Variants in ABLIM2 observed in about 807,000 individuals in gnomAD.
The protein encoded by ABLIM2 is actin binding LIM protein family member 2.
ABLIM2 carries 53 observed loss-of-function variants against 97.7 expected under a neutral mutation model. That is an observed-to-expected ratio of 0.54 (90% CI 0.44 to 0.68). The LOEUF is 0.68. Ranked by LOEUF, ABLIM2 falls within the 30% of genes least tolerant of loss-of-function variation. The probability of loss-of-function intolerance (pLI) is 0.00; values close to 1 mark genes in which losing one functional copy is unlikely to be tolerated. For missense variants in ABLIM2, 835 were observed against 867.2 expected, an observed-to-expected ratio of 0.96 and a Z score of 0.47; for synonymous variants, 361 against 345.8, an observed-to-expected ratio of 1.04 and a Z score of -0.49.
chr4:8,117,275 G>C (rs1843183056), intron 1 of ABLIM2, among the ~76,000 whole-genome samples: 1 of 152,198 alleles, frequency 6.6e-6, no homozygotes, highest in Non-Finnish European at 1.5e-5. Context: ...AAGGATTCAA[G>C]CCCAAGTCTG....
chr4:8,052,078 T>G (rs13152591), intron 8 of ABLIM2, among the ~76,000 whole-genome samples: 35,475 of 152,132 alleles, frequency 0.23, 4,498 homozygotes, highest in Non-Finnish European at 0.29. Flanking sequence ...TCTCCGCTCT[T>G]TAAGACTACA....
intron 1 of ABLIM2, among the ~76,000 whole-genome samples, chr4:8,157,025 C>T (rs1715596270): frequency 6.6e-6 from 1 of 152,188 alleles, no homozygotes; most frequent in South Asian, 2.1e-4. Context: ...CCGAGGGCCT[C>T]CCAGGTGTGG....
intron 16 of ABLIM2, among the ~76,000 whole-genome samples, chr4:7,995,618 C>T (rs898380343): frequency 6.6e-6 from 1 of 152,214 alleles, no homozygotes; most frequent in African/African-American, 2.4e-5. Context: ...CAGCTGGGGA[C>T]TTGTTTGCAA....
intron 1 of ABLIM2, among the ~76,000 whole-genome samples, chr4:8,107,379 G>C (rs1837988068): frequency 6.6e-6 from 1 of 152,262 alleles, no homozygotes; most frequent in Admixed American, 6.5e-5. Flanking sequence ...GAAGCCTCAG[G>C]TCTGCCCTTT....
chr4:8,066,284 C>A (rs1285734990), intron 6 of ABLIM2, among the ~76,000 whole-genome samples: 1 of 124,138 alleles, frequency 8.1e-6, no homozygotes, highest in Non-Finnish European at 1.6e-5. Flanking sequence ...CCAGCCTGGG[C>A]AACAGAGAGA....
rs1852106966 is a variant in ABLIM2, at chr4:8,148,017, C to T, written c.10+10663G>A. The stretch of plus-strand genomic sequence containing the variant: ...GAGTCAGGGCCCAGCTGCAGACCAA[C>T]CCCAAACTCTGGTGTGGTTCCCTGA... On this transcript the variant is annotated intron_variant, in intron 1 of 20. Coordinates refer to ENST00000447017, the MANE Select transcript of ABLIM2 (RefSeq NM_001130083.2). This position sits in a 1 kb window ranked among gnomAD's most constrained non-coding sequence, Gnocchi z 6.7. Among the ~76,000 whole-genome samples, 1 of 152,258 alleles carries T rather than the reference C, an allele frequency of 6.6e-6. No individual in the cohort carries two copies. The highest frequency in any genetic ancestry group is 2.4e-5 in the African/African-American group (1 of 41,470).
rs1286369612 is a variant in ABLIM2 at position 8,080,771 on chromosome 4, A to G, written c.486T>C (p.Asn162=). 2 of 1,609,736 alleles carry G rather than the reference A, an allele frequency of 1.2e-6. No individual in the cohort carries two copies. The highest frequency in any genetic ancestry group is 3.3e-5 in the Admixed American group (2 of 59,838). Residue 162 remains asparagine, a synonymous_variant, in exon 5 of 21, where the codon AAT becomes AAC. Coordinates refer to ENST00000447017, the MANE Select transcript of ABLIM2 (RefSeq NM_001130083.2). ...TGTCCAAGGCTACCAGGGCCTGGCC[A>G]TTCTTGATTTCTGTGCCGCAGCCCC... ...SCGGCGTEIK[N]GQALVALDKH...
chr4:7,982,225 C>T (rs567572389), intron 20 of ABLIM2, among the ~76,000 whole-genome samples: 4 of 151,332 alleles, frequency 2.6e-5, no homozygotes, highest in South Asian at 4.2e-4. Flanking sequence ...GAGGGAGCCA[C>T]TGCCTGGTGG....
intron 6 of ABLIM2, among the ~76,000 whole-genome samples, chr4:8,063,734 T>A (rs1805033633): frequency 6.6e-6 from 1 of 152,248 alleles, no homozygotes; most frequent in African/African-American, 2.4e-5. Context: ...TGCTAAGGCT[T>A]GAATGTTTGT....
chr4:8,059,623 G>A (rs1414385196), intron 7 of ABLIM2, among the ~76,000 whole-genome samples: 5 of 152,000 alleles, frequency 3.3e-5, no homozygotes, highest in African/African-American at 7.2e-5. Flanking sequence ...TTTGATGGCC[G>A]GGGCATGGTG....
At chr4:8,101,338 G>A (rs921335687) in intron 2 of ABLIM2, among the ~76,000 whole-genome samples, 17 of 152,192 alleles carry the variant, frequency 1.1e-4, no homozygotes, top group Admixed American at 3.9e-4. Flanking sequence ...CTTGACACTC[G>A]TGCCCTGTGC....
At chr4:8,078,626 T>G (rs1334636629) in intron 5 of ABLIM2, among the ~76,000 whole-genome samples, 1 of 152,216 alleles carries the variant, frequency 6.6e-6, no homozygotes, top group Non-Finnish European at 1.5e-5. Context: ...GGGGAGGCGC[T>G]GCTCTGCTGA....
intron 10 of ABLIM2, 118 bp downstream of exon 10, chr4:8,036,031 G>A: frequency 8.1e-7 from 1 of 1,241,260 alleles, no homozygotes; most frequent in African/African-American, 1.5e-5. Flanking sequence ...GCGTGTGGGT[G>A]AGTGGTGAAG....
At chr4:8,096,663 T>G (rs765976538) in intron 3 of ABLIM2, among the ~76,000 whole-genome samples, 5 of 152,362 alleles carry the variant, frequency 3.3e-5, no homozygotes, top group Middle Eastern at 3.4e-3. Context: ...CATGTTTCTC[T>G]TCTTTGTTTT....
In ABLIM2 at chr4:8,021,341, T is replaced by C. The variant is rs190328271; in HGVS notation, c.1268-1038A>G. Among the ~76,000 whole-genome samples the C allele has an allele frequency of 6.6e-6, 1 of 152,104 alleles. No individual in the cohort carries two copies. Among genetic ancestry groups the C allele is most frequent in the East Asian group, 1.9e-4 (1 of 5,160 alleles). Reference sequence around the variant, plus strand: ...CCTCCCCCCACACCTGTTTGGGGAATGAGGTGACAGACAGATGCAGGGTAT... The same window carrying C: ...CCTCCCCCCACACCTGTTTGGGGAACGAGGTGACAGACAGATGCAGGGTAT... On this transcript the variant is annotated intron_variant, in intron 12 of 20. Transcript: ENST00000447017. The surrounding 1 kb of genome is among the most constrained non-coding windows in gnomAD (Gnocchi z 5.5).
intron 2 of ABLIM2, among the ~76,000 whole-genome samples, chr4:8,101,008 C>G (rs1326030821): frequency 6.6e-6 from 1 of 152,206 alleles, no homozygotes; most frequent in Non-Finnish European, 1.5e-5. Context: ...TAAAGAGACT[C>G]AGACCAGGGG....
intron 14 of ABLIM2, 104 bp from the exon 15 acceptor site, chr4:8,009,206 CA>C (rs1399390531): frequency 1.4e-5 from 20 of 1,418,184 alleles, no homozygotes; most frequent in Non-Finnish European, 1.9e-5. Flanking sequence ...AAAAATCAAT[CA>C]AAGAGAAGGT....
chr4:8,112,112 T>C lies in ABLIM2; in HGVS notation c.11-5475A>G, dbSNP rs528265013. On this transcript the variant is annotated intron_variant, in intron 1 of 20. Transcript: ENST00000447017. This position sits in a 1 kb window ranked among gnomAD's most constrained non-coding sequence, Gnocchi z 4.2. Reference sequence around the variant, plus strand: ...GGGGCTGAGAGTATTTAATCCCTCATGATAATGAAACCCCAGCCTTGGGAA... The same window carrying C: ...GGGGCTGAGAGTATTTAATCCCTCACGATAATGAAACCCCAGCCTTGGGAA... Among the ~76,000 whole-genome samples the C allele has an allele frequency of 2.6e-5, 4 of 152,134 alleles. No homozygotes were observed. Among genetic ancestry groups the C allele is most frequent in the African/African-American group, 4.8e-5 (2 of 41,420 alleles).
At chr4:8,042,101 T>C (rs947107536) in intron 9 of ABLIM2, among the ~76,000 whole-genome samples, 3 of 152,162 alleles carry the variant, frequency 2.0e-5, no homozygotes, top group African/African-American at 7.2e-5. Context: ...AGCCACAGCA[T>C]GCTGAGGACT....
Sources: gnomAD v4.1 joint callset for allele counts (sites outside exome capture counted in the v4.1 genomes callset) on GRCh38, gnomAD v4.1.1 for gene constraint, Gnocchi (gnomAD v3.1) non-coding constraint, MANE v1.5 for transcripts, NCBI Gene and HGNC (gene_info 2026-07-23, HGNC 2026-07-21) for gene names.